Variants in TSHR observed in about 807,000 individuals in gnomAD.
TSHR encodes the protein thyrotropin receptor.
Under a neutral mutation model 64.1 loss-of-function variants are expected in TSHR, and 51 were observed. The ratio of observed to expected loss-of-function variants is 0.80; its 90% confidence interval spans 0.64 to 1.01. The LOEUF is 1.01. TSHR is among the 50% of genes least tolerant of loss of function. The pLI is 0.00. For synonymous variants in TSHR, 361 were observed against 361.9 expected, an observed-to-expected ratio of 1.00 and a Z score of 0.03; for missense variants, 877 against 942.8, an observed-to-expected ratio of 0.93 and a Z score of 0.91.
chr14:81,054,678 G>C (rs958898222), intron 1 of TSHR, among the ~76,000 whole-genome samples: 3 of 152,100 alleles, frequency 2.0e-5, no homozygotes, highest in Non-Finnish European at 1.5e-5. Flanking sequence ...GCAGCATTTT[G>C]CCCTTGCCCT....
At chr14:81,033,256 C>T (rs558122247) in intron 1 of TSHR, 8 of 476,408 alleles carry the variant, frequency 1.7e-5, no homozygotes, top group East Asian at 1.2e-4. Context: ...CTACTTGGTA[C>T]TAGATCTTGT....
In TSHR at chr14:81,144,389, T is replaced by G. The variant is rs745428329; in HGVS notation, c.*36T>G. The G allele has an allele frequency of 6.2e-7, 1 of 1,603,084 alleles. No homozygotes were observed. The highest frequency in any genetic ancestry group is 8.5e-7 in the Non-Finnish European group (1 of 1,171,014). ...CACTACTCACAATGGTAGGGGAACT[T>G]ACAAAATAATAGTTTCTTGAATATG... On this transcript the variant is annotated 3_prime_UTR_variant, in exon 10 of 10. Transcript: ENST00000298171.
chr14:81,134,254 C>T (rs963737163), intron 8 of TSHR, among the ~76,000 whole-genome samples: 4 of 152,162 alleles, frequency 2.6e-5, no homozygotes, highest in Admixed American at 1.3e-4. Flanking sequence ...TCTCCTGCCT[C>T]AGCCTCCCGA....
At chr14:81,071,912 T>C (rs1170009700) in intron 3 of TSHR, among the ~76,000 whole-genome samples, 2 of 152,232 alleles carry the variant, frequency 1.3e-5, no homozygotes, top group African/African-American at 4.8e-5. Flanking sequence ...TTTTCATCTT[T>C]ATTGGTAAAT....
chr14:80,985,525 G>GTGA (rs367708057), intron 1 of TSHR, among the ~76,000 whole-genome samples: 1,636 of 152,306 alleles, frequency 0.011, 19 homozygotes, highest in Non-Finnish European at 0.018. Context: ...CTACAAGACA[G>GTGA]TGATTCTTAG....
At chr14:81,095,246 G>A (rs1360705106) in intron 6 of TSHR, among the ~76,000 whole-genome samples, 2 of 152,112 alleles carry the variant, frequency 1.3e-5, no homozygotes, top group Non-Finnish European at 2.9e-5. Flanking sequence ...CCTGCAGAAA[G>A]GGGGGCTGCT....
intron 3 of TSHR, among the ~76,000 whole-genome samples, chr14:81,079,340 C>T (rs531338393): frequency 9.2e-5 from 14 of 152,308 alleles, no homozygotes; most frequent in Admixed American, 5.2e-4. Context: ...TGGGCCAGCA[C>T]TCCACTAAAA....
At chr14:81,017,876 C>T (rs558600943) in intron 1 of TSHR, among the ~76,000 whole-genome samples, 1 of 147,046 alleles carries the variant, frequency 6.8e-6, no homozygotes, top group South Asian at 2.1e-4. Flanking sequence ...GTCGCCCAGG[C>T]TGGAGTACAA....
At chr14:81,018,231 T>C (rs1187668917) in intron 1 of TSHR, among the ~76,000 whole-genome samples, 1 of 152,206 alleles carries the variant, frequency 6.6e-6, no homozygotes, top group Non-Finnish European at 1.5e-5. Context: ...CAATAAATGT[T>C]CTTTAAATTA....
intron 5 of TSHR, 148 bp downstream of exon 5, chr14:81,091,291 A>T (rs1188083014): frequency 6.5e-6 from 5 of 766,586 alleles, no homozygotes; most frequent in Non-Finnish European, 1.1e-5. Flanking sequence ...GGCATGAAGT[A>T]AGGCAAGGAC....
At chr14:80,974,531 T>C (rs1887765747) in intron 1 of TSHR, among the ~76,000 whole-genome samples, 1 of 152,142 alleles carries the variant, frequency 6.6e-6, no homozygotes, top group African/African-American at 2.4e-5. Context: ...CATAACCAAA[T>C]TGCCATTTCA....
intron 8 of TSHR, among the ~76,000 whole-genome samples, chr14:81,116,576 A>G (rs1049558201): frequency 7.6e-5 from 11 of 144,196 alleles, no homozygotes; most frequent in African/African-American, 3.0e-4. Context: ...CCACACATTA[A>G]TAATGGGAGA....
chr14:81,021,803 A>G (rs938053451), intron 1 of TSHR, among the ~76,000 whole-genome samples: 4 of 152,204 alleles, frequency 2.6e-5, no homozygotes, highest in Non-Finnish European at 5.9e-5. Context: ...GTCATGATAA[A>G]AAAGAAATTT....
At chr14:80,966,591 ATAAAAATT>A (rs889847702) in intron 1 of TSHR, among the ~76,000 whole-genome samples, 4 of 152,104 alleles carry the variant, frequency 2.6e-5, no homozygotes, top group Admixed American at 6.5e-5. Flanking sequence ...AAAAAAAAAA[ATAAAAATT>A]TAAAAATTTA....
chr14:81,074,215 G>A (rs1360379296), intron 3 of TSHR, among the ~76,000 whole-genome samples: 1 of 152,088 alleles, frequency 6.6e-6, no homozygotes, highest in South Asian at 2.1e-4. Flanking sequence ...GATATTGAGA[G>A]TCTAATATCT....
intron 1 of TSHR, chr14:80,982,155 G>A: frequency 1.7e-6 from 1 of 580,354 alleles, no homozygotes; most frequent in Non-Finnish European, 3.2e-6. Context: ...TGCAGTGGCA[G>A]AGATGAAGGC....
intron 1 of TSHR, chr14:80,995,330 G>GAT (rs1167689978): frequency 6.6e-6 from 1 of 152,112 alleles, no homozygotes; most frequent in Non-Finnish European, 1.5e-5. Context: ...CCCATTACTG[G>GAT]ATATATACCC....
intron 8 of TSHR, among the ~76,000 whole-genome samples, chr14:81,135,838 G>C (rs1332181941): frequency 6.6e-6 from 1 of 152,202 alleles, no homozygotes; most frequent in East Asian, 1.9e-4. Context: ...CAACCAGACT[G>C]TCTGATTAAA....
Position 81,092,621 on chromosome 14 carries a change from A to G in TSHR, c.545+13A>G, listed in dbSNP as rs2241119. On this transcript the variant is annotated intron_variant, in intron 6 of 9. Coordinates refer to ENST00000298171, the MANE Select transcript of TSHR (RefSeq NM_000369.5). ...AAACCTTGACACTGTGAGTATTACC[A>G]GTTCTACTCCCTCCATCAACTAAAT... The G allele has an allele frequency of 0.16, 257,815 of 1,610,764 alleles. 28,193 individuals are homozygous for G. The highest frequency in any genetic ancestry group is 0.55 in the African/African-American group (40,890 of 74,800).
Sources: allele counts gnomAD v4.1 joint callset (sites outside exome capture counted in the v4.1 genomes callset), GRCh38; gene constraint gnomAD v4.1.1; transcripts MANE v1.5; gene names NCBI Gene and HGNC (gene_info 2026-07-23, HGNC 2026-07-21).